The following GRIN2A variants were observed in gnomAD, a reference collection of about 807,000 sequenced individuals.
GRIN2A encodes glutamate receptor ionotropic, NMDA 2A.
In GRIN2A, 22 loss-of-function variants were observed where a neutral mutation model predicts 113.4. The ratio of observed to expected loss-of-function variants is 0.19; its 90% confidence interval spans 0.14 to 0.28. The LOEUF is 0.28. Ranked by LOEUF, GRIN2A falls within the 10% of genes least tolerant of loss-of-function variation. GRIN2A has a pLI of 1.00. For missense variants in GRIN2A, 1,502 were observed against 1,887.0 expected (o/e 0.80, Z 3.78); for synonymous variants, 827 against 738.4 (o/e 1.12, Z -1.94).
intron 2 of GRIN2A, among the ~76,000 whole-genome samples, chr16:10,092,525 TC>T (rs2048200938): frequency 6.6e-6 from 1 of 152,214 alleles, no homozygotes; most frequent in South Asian, 2.1e-4. Flanking sequence ...ATTATTTTTT[TC>T]TCTCAATGAT....
intron 11 of GRIN2A, among the ~76,000 whole-genome samples, chr16:9,789,553 TACACACACACACACACACAC>T (rs71157785): frequency 0.38 from 56,703 of 149,568 alleles, 11,546 homozygotes; most frequent in African/African-American, 0.55. Context: ...GAAACATACA[TACACACACACACACACACAC>T]ACACACACAC....
chr16:9,860,192 G>A (rs750437030), intron 4 of GRIN2A, among the ~76,000 whole-genome samples: 12 of 151,918 alleles, frequency 7.9e-5, no homozygotes, highest in Non-Finnish European at 1.6e-4. Context: ...ATGGTGGCTC[G>A]CGCCTGTAAT....
chr16:9,974,551 A>G (rs1258111641), intron 2 of GRIN2A, among the ~76,000 whole-genome samples: 1 of 151,980 alleles, frequency 6.6e-6, no homozygotes, highest in Admixed American at 6.6e-5. Context: ...GGGGAGCTCA[A>G]CTCTTGAGAC....
At chr16:9,894,762 A>C (rs985645652) in intron 3 of GRIN2A, among the ~76,000 whole-genome samples, 1 of 152,202 alleles carries the variant, frequency 6.6e-6, no homozygotes, top group Non-Finnish European at 1.5e-5. Context: ...GTGGGGGCTC[A>C]GTTAATGTTT....
At chr16:9,788,245 T>A (rs1377397606) in intron 11 of GRIN2A, among the ~76,000 whole-genome samples, 2 of 152,038 alleles carry the variant, frequency 1.3e-5, no homozygotes, top group Non-Finnish European at 2.9e-5. Context: ...CTCTCCTTAC[T>A]TTTTGACTCT....
chr16:9,856,624 C>CAAA (rs1178111932), intron 4 of GRIN2A, among the ~76,000 whole-genome samples: 17 of 54,806 alleles, frequency 3.1e-4, no homozygotes, highest in African/African-American at 8.5e-4. Flanking sequence ...GACTCCATCT[C>CAAA]AAAAAAAAAA....
intron 2 of GRIN2A, among the ~76,000 whole-genome samples, chr16:9,945,106 A>T (rs1429192948): frequency 6.6e-6 from 1 of 152,198 alleles, no homozygotes; most frequent in Non-Finnish European, 1.5e-5. Context: ...GGATAGCTTG[A>T]GGCCAGGAGT....
intron 11 of GRIN2A, among the ~76,000 whole-genome samples, chr16:9,774,724 A>G (rs968706337): frequency 2.0e-5 from 3 of 152,244 alleles, no homozygotes; most frequent in African/African-American, 4.8e-5. Flanking sequence ...AGTACATCAG[A>G]ATTTATCTCA....
chr16:9,910,570 T>G (rs955959554), intron 3 of GRIN2A, among the ~76,000 whole-genome samples: 2 of 148,742 alleles, frequency 1.3e-5, no homozygotes, highest in African/African-American at 5.1e-5. Flanking sequence ...GACGGAGTCT[T>G]GCCGTTGCCC....
chr16:9,772,964 T>G (rs530966635), intron 11 of GRIN2A, among the ~76,000 whole-genome samples: 1 of 150,568 alleles, frequency 6.6e-6, no homozygotes, highest in South Asian at 2.1e-4. Context: ...ACATTTCTCA[T>G]TACCAATTAC....
rs1900386430 is a variant in GRIN2A, at chr16:9,757,310, G to T, written c.*5839C>A. 2 of 220,444 alleles carry T rather than the reference G, an allele frequency of 9.1e-6. No homozygotes were observed. The highest frequency in any genetic ancestry group is 4.5e-5 in the African/African-American group (2 of 44,574). 13.7% of individuals were successfully genotyped at this position (220,444 alleles called of 1,614,324 possible). On this transcript the variant is annotated 3_prime_UTR_variant, in exon 13 of 13. Transcript: ENST00000330684. ...TTAAAATAAATCAACTGCATTTCCG[G>T]GACCACTAACTCTATTCTCCGGAGT...
chr16:9,789,904 A>G (rs1421357286), intron 11 of GRIN2A, among the ~76,000 whole-genome samples: 1 of 152,240 alleles, frequency 6.6e-6, no homozygotes, highest in African/African-American at 2.4e-5. Flanking sequence ...TGCATGGAAG[A>G]AAGGGAGAAA....
chr16:9,807,060 C>T (rs1044197003), intron 10 of GRIN2A, among the ~76,000 whole-genome samples: 1 of 151,222 alleles, frequency 6.6e-6, no homozygotes, highest in Non-Finnish European at 1.5e-5. Flanking sequence ...GTAAGACATG[C>T]CTTTCACCTT....
At chr16:9,988,261 C>T (rs970316825) in intron 2 of GRIN2A, among the ~76,000 whole-genome samples, 2 of 122,068 alleles carry the variant, frequency 1.6e-5, no homozygotes, top group East Asian at 4.5e-4. Flanking sequence ...GGAAAGAGAT[C>T]CATAGGGGTG....
At position 9,764,034 on chromosome 16, in the gene GRIN2A, G is replaced by C. The variant is rs2141131504; in HGVS notation, c.3510C>G (p.Asn1170Lys). 1.9e-6 allele frequency: 3 copies of C among 1,614,092 alleles called. No individual in the cohort carries two copies. The highest frequency in any genetic ancestry group is 2.5e-6 in the Non-Finnish European group (3 of 1,179,946). The change falls in exon 13 of 13, where the codon AAC becomes AAG. Residue 1170 changes from asparagine to lysine, a missense_variant. Around this residue, in one of 7 missense-constraint regions of GRIN2A, gnomAD observed 832 missense variants for 789.7 expected, o/e 1.05. Transcript: ENST00000330684. ...AAAGCCCCTCTTCATTATGCAAGGG[G>C]TTCCGGTTCATTGGCAGCGTGGAGT... is the stretch of plus-strand genomic sequence containing the variant. Reference protein sequence around the residue: ...KGDSTLPMNRNPLHNEEGLSN... With the variant: ...KGDSTLPMNRKPLHNEEGLSN...
chr16:10,133,397 C>T lies in GRIN2A; in HGVS notation c.414+46601G>A, dbSNP rs1596540027. On this transcript the variant is annotated intron_variant, in intron 2 of 12. Transcript: ENST00000330684. The stretch of plus-strand genomic sequence containing the variant: ...CCAAGGCGGGTGGATCACCTGAGGT[C>T]AGGAGTTCGAGACCAGCCTGGCCAA... 2.0e-5 allele frequency among the ~76,000 whole-genome samples: 3 copies of T among 152,308 alleles called. No individual in the cohort carries two copies. The Middle Eastern group carries it at 0.01, about 518-fold the overall frequency.
intron 2 of GRIN2A, among the ~76,000 whole-genome samples, chr16:10,025,855 G>C (rs1373192386): frequency 6.6e-6 from 1 of 152,152 alleles, no homozygotes; most frequent in Non-Finnish European, 1.5e-5. Flanking sequence ...CTGGAGGCCA[G>C]ACTTTAGACA....
rs571581408 is a variant in GRIN2A, at chr16:9,901,225, CTCTG to C, written c.1008-10129_1008-10126del. 1.7e-3 allele frequency among the ~76,000 whole-genome samples: 264 copies of C among 152,254 alleles called. 1 individual carries two copies. The highest frequency in any genetic ancestry group is 6.1e-3 in the African/African-American group (255 of 41,536). On this transcript the variant is annotated intron_variant, in intron 3 of 12. Transcript: ENST00000330684. ...TGTGGAATGAACAAAAGTCTCAACT[CTCTG>C]TCTTTTTGTTTTCTTTCGTTTTTCC...
At chr16:9,848,282 C>A (rs559321400) in intron 5 of GRIN2A, among the ~76,000 whole-genome samples, 11 of 150,820 alleles carry the variant, frequency 7.3e-5, no homozygotes, top group African/African-American at 2.4e-4. Flanking sequence ...GTGGCTCGAT[C>A]TCGACTTATT....
Sources: allele counts gnomAD v4.1 joint callset (sites outside exome capture counted in the v4.1 genomes callset), GRCh38; gene constraint gnomAD v4.1.1; regional missense constraint gnomAD v4.1.1; transcripts MANE v1.5; gene names NCBI Gene and HGNC (gene_info 2026-07-23, HGNC 2026-07-21).